The following ZNF354C variants were observed in gnomAD, a reference collection of about 807,000 sequenced individuals.
The protein encoded by ZNF354C is KRAB-zinc finger protein synten.
A neutral mutation model predicts 12.4 loss-of-function variants in ZNF354C; 7 were observed. That is an observed-to-expected ratio of 0.56 (90% CI 0.32 to 1.06). The LOEUF (loss-of-function observed/expected upper bound fraction) is 1.06, where lower values mean the gene tolerates loss of function less well. ZNF354C is among the 50% of genes least tolerant of loss of function. The pLI, the probability that ZNF354C is intolerant of heterozygous loss-of-function variation, is 0.04. For missense variants in ZNF354C, 609 were observed against 658.0 expected, an observed-to-expected ratio of 0.93 and a Z score of 0.81; for synonymous variants, 202 against 224.5, an observed-to-expected ratio of 0.90 and a Z score of 0.90.
chr5:179,060,966 A>G lies in ZNF354C; in HGVS notation c.-55+300A>G, dbSNP rs1022450336. Among the ~76,000 whole-genome samples, 1 of 152,160 alleles carries G rather than the reference A, an allele frequency of 6.6e-6. No homozygotes were observed. Among genetic ancestry groups the G allele is most frequent in the African/African-American group, 2.4e-5 (1 of 41,436 alleles). Reference sequence around the variant, plus strand: ...ACTGGGGCCTGGGGCTAGGATCAGGATTGCCTTCCCGGCCCTTATGACTTT... The same window carrying G: ...ACTGGGGCCTGGGGCTAGGATCAGGGTTGCCTTCCCGGCCCTTATGACTTT... On this transcript the variant is annotated intron_variant, in intron 1 of 4. Coordinates refer to ENST00000315475, the MANE Select transcript of ZNF354C (RefSeq NM_014594.3). This position sits in a 1 kb window ranked among gnomAD's most constrained non-coding sequence, Gnocchi z 4.2.
intron 2 of ZNF354C, among the ~76,000 whole-genome samples, chr5:179,071,600 G>GT (rs1351100001): frequency 6.6e-6 from 1 of 152,124 alleles, no homozygotes; most frequent in Non-Finnish European, 1.5e-5. Context: ...TAAATTTTCT[G>GT]TTTTTTACAG....
chr5:179,068,167 T>TA (rs142609516), intron 2 of ZNF354C, among the ~76,000 whole-genome samples: 17 of 149,370 alleles, frequency 1.1e-4, no homozygotes, highest in East Asian at 7.9e-4. Context: ...CCTGTCTGTT[T>TA]AAAAAAAAAG....
intron 2 of ZNF354C, among the ~76,000 whole-genome samples, chr5:179,073,325 A>C (rs1294341434): frequency 6.6e-6 from 1 of 152,230 alleles, no homozygotes; most frequent in Non-Finnish European, 1.5e-5. Context: ...AATATACCAG[A>C]GGGGAACTCT....
In ZNF354C at chr5:179,079,018, G is replaced by T. The variant is rs1762174682; in HGVS notation, c.586G>T (p.Asp196Tyr). ...CAATATGTATTATACATTTGGGAAA[G>T]ATTTTAAACAGAATTTTGATCTCAT... is the stretch of plus-strand genomic sequence containing the variant. ...IPNMYYTFGK[D>Y]FKQNFDLMKC... The change falls in exon 5 of 5, where the codon GAT becomes TAT. Residue 196 changes from aspartate to tyrosine, a missense_variant. Coordinates refer to ENST00000315475, the MANE Select transcript of ZNF354C (RefSeq NM_014594.3). The surrounding 1 kb of genome is among the most constrained non-coding windows in gnomAD (Gnocchi z 4.2). The T allele has an allele frequency of 6.2e-7, 1 of 1,612,870 alleles. No individual in the cohort carries two copies. Among genetic ancestry groups the T allele is most frequent in the Non-Finnish European group, 8.5e-7 (1 of 1,179,754 alleles).
At chr5:179,065,095 T>G (rs563778110) in intron 2 of ZNF354C, among the ~76,000 whole-genome samples, 8 of 152,220 alleles carry the variant, frequency 5.3e-5, no homozygotes, top group Non-Finnish European at 1.2e-4. Flanking sequence ...ACAACAATTT[T>G]AGACGAGAGA....
chr5:179,073,256 T>C (rs973799073), intron 2 of ZNF354C, among the ~76,000 whole-genome samples: 1 of 152,190 alleles, frequency 6.6e-6, no homozygotes, highest in Non-Finnish European at 1.5e-5. Context: ...GCTAATTCAT[T>C]GCCAGCAGGC....
chr5:179,061,094 C>T (rs1201310843), intron 1 of ZNF354C, among the ~76,000 whole-genome samples: 1 of 152,214 alleles, frequency 6.6e-6, no homozygotes, highest in African/African-American at 2.4e-5. Flanking sequence ...GGAGGAGGTG[C>T]GCTTCGTCGC....
chr5:179,073,617 G>T (rs1762077055), intron 2 of ZNF354C, among the ~76,000 whole-genome samples: 1 of 151,750 alleles, frequency 6.6e-6, no homozygotes, highest in South Asian at 2.1e-4. Flanking sequence ...TTGACTCTTG[G>T]CCAAAACAAG....
intron 2 of ZNF354C, among the ~76,000 whole-genome samples, chr5:179,075,658 T>C (rs1213466744): frequency 2.0e-5 from 3 of 152,200 alleles, no homozygotes; most frequent in Non-Finnish European, 4.4e-5. Flanking sequence ...CATATATATG[T>C]ATATACAGAT....
chr5:179,068,167 T>TAAAAAAAAA lies in ZNF354C; in HGVS notation c.27+6073_27+6081dup, dbSNP rs142609516. 1.3e-3 allele frequency among the ~76,000 whole-genome samples: 187 copies of TAAAAAAAAA among 149,290 alleles called. 1 individual carries two copies. Among genetic ancestry groups the TAAAAAAAAA allele is most frequent in the East Asian group, 2.4e-3 (12 of 5,050 alleles). On this transcript the variant is annotated intron_variant, in intron 2 of 4. Transcript: ENST00000315475. ...GCAACAGAGTGAGACCCTGTCTGTT[T>TAAAAAAAAA]AAAAAAAAAGATTTCTCTATGTGGA...
In ZNF354C at chr5:179,062,100, G is replaced by C; in HGVS notation, c.27+5G>C. The stretch of plus-strand genomic sequence containing the variant: ...GTGGATCTGCTGTCTGCTCAGGTGA[G>C]AGTGAGTGAAGGTTGTCTTTTTCAT... On this transcript the variant is annotated splice_donor_5th_base_variant and intron_variant, in intron 2 of 4. Transcript: ENST00000315475. The C allele has an allele frequency of 1.2e-6, 2 of 1,614,188 alleles. No homozygotes were observed. The highest frequency in any genetic ancestry group is 1.7e-6 in the Non-Finnish European group (2 of 1,180,024).
At chr5:179,065,659 G>A (rs563333252) in intron 2 of ZNF354C, among the ~76,000 whole-genome samples, 7 of 152,170 alleles carry the variant, frequency 4.6e-5, no homozygotes, top group East Asian at 1.9e-4. Flanking sequence ...CAAGTGATCC[G>A]CCTGCCTGGC....
chr5:179,078,012 C>G (rs10071339), intron 4 of ZNF354C, among the ~76,000 whole-genome samples: 63,597 of 151,562 alleles, frequency 0.42, 13,524 homozygotes, highest in South Asian at 0.5. Flanking sequence ...TCACCATGTT[C>G]TCCAGGCTGG....
In ZNF354C at chr5:179,080,961, TTTAA is replaced by T. The variant is rs1333548006; in HGVS notation, c.*868_*871del. On this transcript the variant is annotated 3_prime_UTR_variant, in exon 5 of 5. Transcript: ENST00000315475. ...TCATTAGAGCCAGGAGAGATTTTAGTTTAATTATAGCCTTTCATTGTACTAACGA... is the reference window on the plus strand; with the variant it reads ...TCATTAGAGCCAGGAGAGATTTTAGTTTATAGCCTTTCATTGTACTAACGA... The T allele has an allele frequency of 1.3e-5, 2 of 152,276 alleles. No homozygotes were observed. Among genetic ancestry groups the T allele is most frequent in the East Asian group, 1.9e-4 (1 of 5,190 alleles). The allele number at this position is 152,276 out of a possible 1,614,324, so 9.4% of individuals were successfully genotyped here. A position where few individuals can be genotyped will look rare whatever the true frequency, so the allele number is the denominator to read the frequency against.
At chr5:179,071,476 G>A (rs192271046) in intron 2 of ZNF354C, among the ~76,000 whole-genome samples, 13 of 151,408 alleles carry the variant, frequency 8.6e-5, no homozygotes, top group African/African-American at 3.2e-4. Context: ...TTCATCTGTG[G>A]ATAACTACTA....
intron 2 of ZNF354C, among the ~76,000 whole-genome samples, chr5:179,071,006 GC>G (rs1358046580): frequency 6.6e-6 from 1 of 151,770 alleles, no homozygotes; most frequent in African/African-American, 2.4e-5. Context: ...CTGCCACCAA[GC>G]CTGGCTAATT....
intron 4 of ZNF354C, 151 bp downstream of exon 4, chr5:179,077,317 C>T (rs754241929): frequency 1.6e-6 from 1 of 632,670 alleles, no homozygotes; most frequent in Non-Finnish European, 2.8e-6. Context: ...GGTTAAAGTA[C>T]ACACAATTAC....
chr5:179,079,942 G>T lies in ZNF354C; in HGVS notation c.1510G>T (p.Ala504Ser). The change falls in exon 5 of 5, where the codon GCC becomes TCC. Residue 504 changes from alanine to serine, a missense_variant. By Grantham distance (99) the Ala-to-Ser change is moderately conservative. Transcript: ENST00000315475. This position sits in a 1 kb window ranked among gnomAD's most constrained non-coding sequence, Gnocchi z 4.2. ...KLYKCMECGKAYSYRSNLCRH... is the reference protein window; with the variant it reads ...KLYKCMECGKSYSYRSNLCRH... Reference sequence around the variant, plus strand: ...GTATAAATGTATGGAATGTGGGAAAGCCTACAGTTACAGATCAAACCTTTG... The same window carrying T: ...GTATAAATGTATGGAATGTGGGAAATCCTACAGTTACAGATCAAACCTTTG... 1 of 1,614,058 alleles carries T rather than the reference G, an allele frequency of 6.2e-7. No homozygotes were observed. The highest frequency in any genetic ancestry group is 8.5e-7 in the Non-Finnish European group (1 of 1,179,988).
At chr5:179,074,155 G>A (rs937844724) in intron 2 of ZNF354C, among the ~76,000 whole-genome samples, 1 of 151,908 alleles carries the variant, frequency 6.6e-6, no homozygotes, top group East Asian at 1.9e-4. Flanking sequence ...GCTAATTTTT[G>A]TATTTTTAGT....
Sources: allele counts gnomAD v4.1 joint callset (sites outside exome capture counted in the v4.1 genomes callset), GRCh38; gene constraint gnomAD v4.1.1; non-coding constraint Gnocchi (gnomAD v3.1); transcripts MANE v1.5; gene names NCBI Gene and HGNC (gene_info 2026-07-23, HGNC 2026-07-21).